Variants in SCN11A observed in about 807,000 individuals in gnomAD.
SCN11A encodes sodium voltage-gated channel alpha subunit 11.
Under a neutral mutation model 162.2 loss-of-function variants are expected in SCN11A, and 122 were observed. The observed-to-expected ratio is 0.75, with a 90% CI of 0.65 to 0.87. The LOEUF (loss-of-function observed/expected upper bound fraction) is 0.87. Ranked by LOEUF, SCN11A falls within the 40% of genes least tolerant of loss-of-function variation. The pLI is 0.00. For synonymous variants in SCN11A, 758 were observed against 751.5 expected (o/e 1.01, Z -0.14); for missense variants, 2,015 against 2,181.6 (o/e 0.92, Z 1.52).
At chr3:38,990,035 A>G (rs2030402463) in intron 2 of SCN11A, among the ~76,000 whole-genome samples, 1 of 152,190 alleles carries the variant, frequency 6.6e-6, no homozygotes, top group Non-Finnish European at 1.5e-5. Context: ...AATTCACTCT[A>G]ATTGACTTCC....
intron 2 of SCN11A, among the ~76,000 whole-genome samples, chr3:38,985,187 G>A (rs2030192524): frequency 6.8e-6 from 1 of 146,850 alleles, no homozygotes; most frequent in Non-Finnish European, 1.5e-5. Flanking sequence ...GAGTGCAGTG[G>A]CGCAGTCTCA....
At chr3:38,997,761 T>G (rs919020613) in intron 2 of SCN11A, among the ~76,000 whole-genome samples, 1 of 152,230 alleles carries the variant, frequency 6.6e-6, no homozygotes, top group African/African-American at 2.4e-5. Context: ...TCATCTCTAA[T>G]TTTCCATCTC....
At chr3:39,013,837 C>T (rs754652566) in intron 2 of SCN11A, among the ~76,000 whole-genome samples, 1 of 152,262 alleles carries the variant, frequency 6.6e-6, no homozygotes. Context: ...TGTATCTTCT[C>T]ATACCTGGTT....
Position 38,886,220 on chromosome 3 carries a change from C to A in SCN11A, c.2854G>T (p.Glu952Ter), listed in dbSNP as rs374632143. ...PEQQAYELHQ[E>*]NKKPTSQRVQ... ...CTCTGGCTCGTGGGCTTCTTGTTCT[C>A]CTGATGGAGCTCATAGGCCTAACAC... The change falls in exon 20 of 30, where the codon GAG (glutamate) becomes TAG (stop). Residue 952 changes from glutamate to a stop codon, truncating the protein, a stop_gained. Transcript: ENST00000302328. LOFTEE classifies it high-confidence loss of function. The A allele has an allele frequency of 1.2e-6, 2 of 1,612,166 alleles. No individual in the cohort carries two copies. Among genetic ancestry groups the A allele is most frequent in the South Asian group, 2.2e-5 (2 of 90,982 alleles).
chr3:39,037,897 A>C (rs1386688211), intron 1 of SCN11A, among the ~76,000 whole-genome samples: 2 of 152,220 alleles, frequency 1.3e-5, no homozygotes, highest in East Asian at 1.9e-4. Context: ...ACAATGTAAT[A>C]GGTGTCAAGG....
At position 38,863,234 on chromosome 3, in the gene SCN11A, TA is replaced by T. The variant is rs746004883; in HGVS notation, c.4016del (p.Leu1339Ter). The stretch of plus-strand genomic sequence containing the variant: ...TGGGTTTTTGAGGTTTTTTGGATCC[TA>T]ATTTTTTCATTGCATTATAGTATTT... ...QKKYYNAMKK[L>X]GSKKPQKPIP... On this transcript the variant is annotated frameshift_variant, in exon 28 of 30. Transcript: ENST00000302328. LOFTEE classifies it high-confidence loss of function. 1.2e-6 allele frequency: 2 copies of T among 1,606,998 alleles called. No homozygotes were observed. Among genetic ancestry groups the T allele is most frequent in the Non-Finnish European group, 1.7e-6 (2 of 1,173,756 alleles).
intron 28 of SCN11A, among the ~76,000 whole-genome samples, chr3:38,854,642 G>A (rs1190705423): frequency 3.9e-5 from 6 of 152,206 alleles, no homozygotes; most frequent in Non-Finnish European, 5.9e-5. Flanking sequence ...CAGACTGCAC[G>A]AGACAGGTGA....
At chr3:38,864,267 G>A (rs1386970681) in intron 27 of SCN11A, among the ~76,000 whole-genome samples, 1 of 152,136 alleles carries the variant, frequency 6.6e-6, no homozygotes, top group Non-Finnish European at 1.5e-5. Context: ...TGAGGGTTTG[G>A]GGTTTGACTT....
chr3:38,923,931 C>T (rs1301365909), intron 9 of SCN11A, among the ~76,000 whole-genome samples: 1 of 152,136 alleles, frequency 6.6e-6, no homozygotes. Flanking sequence ...TCAGCCAGGT[C>T]ACTGGAGAGT....
intron 29 of SCN11A, among the ~76,000 whole-genome samples, chr3:38,848,957 A>G (rs1344905226): frequency 6.6e-6 from 1 of 152,160 alleles, no homozygotes; most frequent in African/African-American, 2.4e-5. Context: ...AGGCATATAA[A>G]ACTCTGTCCA....
At chr3:38,878,173 A>AATAG (rs2065251325) in intron 23 of SCN11A, among the ~76,000 whole-genome samples, 1 of 151,050 alleles carries the variant, frequency 6.6e-6, no homozygotes, top group African/African-American at 2.4e-5. Flanking sequence ...AAATATAATA[A>AATAG]ATAAATAAAT....
intron 2 of SCN11A, among the ~76,000 whole-genome samples, chr3:38,974,709 A>AAAAAAAAAAAAAAG (rs1553647127): frequency 3.1e-5 from 4 of 130,376 alleles, no homozygotes; most frequent in African/African-American, 8.3e-5. Context: ...AAAAAAAAAA[A>AAAAAAAAAAAAAAG]AAAAGAAAAG....
intron 2 of SCN11A, among the ~76,000 whole-genome samples, chr3:38,998,516 T>C (rs1164621207): frequency 6.6e-6 from 1 of 152,204 alleles, no homozygotes; most frequent in African/African-American, 2.4e-5. Context: ...CTCAGGGATC[T>C]ACAACTAGAA....
At position 38,908,184 on chromosome 3, in the gene SCN11A, G is replaced by A; in HGVS notation, c.1300-62C>T. 12 of 1,443,822 alleles carry A rather than the reference G, an allele frequency of 8.3e-6. No individual in the cohort carries two copies. The South Asian group carries it at 1.5e-4, about 18-fold the overall frequency. The allele number at this position is 1,443,822 out of a possible 1,614,324, so 89.4% of individuals were successfully genotyped here. A position where few individuals can be genotyped will look rare whatever the true frequency, so the allele number is the denominator to read the frequency against. On this transcript the variant is annotated intron_variant, in intron 13 of 29. Coordinates refer to ENST00000302328, the MANE Select transcript of SCN11A (RefSeq NM_001349253.2). ...CACCTCCTCATGAAACATTGCAAAT[G>A]ACCCCGACCTGAGAGTGGTGAAAAT...
At chr3:38,912,467 CTATT>C (rs2065899181) in intron 11 of SCN11A, among the ~76,000 whole-genome samples, 1 of 152,008 alleles carries the variant, frequency 6.6e-6, no homozygotes, top group Non-Finnish European at 1.5e-5. Context: ...TTTTTTCTTT[CTATT>C]TATTTATTTT....
intron 10 of SCN11A, among the ~76,000 whole-genome samples, chr3:38,920,517 C>A (rs896689563): frequency 1.2e-4 from 19 of 152,152 alleles, no homozygotes; most frequent in African/African-American, 3.6e-4. Flanking sequence ...ATGGTGAAAC[C>A]TCGTCTCTAC....
intron 16 of SCN11A, among the ~76,000 whole-genome samples, chr3:38,903,392 C>T (rs908317876): frequency 1.3e-5 from 2 of 152,210 alleles, no homozygotes; most frequent in South Asian, 2.1e-4. Flanking sequence ...CCAGCCTGAC[C>T]AACCCCCAAA....
At position 38,894,846 on chromosome 3, in the gene SCN11A, C is replaced by T. The variant is rs779067124; in HGVS notation, c.2522G>A (p.Arg841Gln). ...AGTGTGTCTCACAAAACAAAAAGCC[C>T]GGCGGAATCGATCCAGTGCTAACTG... ...KVQLALDRFR[R>Q]AFCFVRHTLE... The change falls in exon 19 of 30, where the codon CGG (arginine) becomes CAG (glutamine). Residue 841 changes from arginine (R) to glutamine (Q), a missense_variant. Physicochemically the swap from Arg to Gln is conservative, Grantham distance 43 (BLOSUM62 1). Coordinates refer to ENST00000302328, the MANE Select transcript of SCN11A (RefSeq NM_001349253.2). 3.5e-5 allele frequency: 57 copies of T among 1,614,068 alleles called. No homozygotes were observed. Among genetic ancestry groups the T allele is most frequent in the Non-Finnish European group, 4.2e-5 (50 of 1,180,030 alleles).
chr3:39,026,050 T>G (rs2031579193), intron 2 of SCN11A: 1 of 152,168 alleles, frequency 6.6e-6, no homozygotes, highest in African/African-American at 2.4e-5. Flanking sequence ...ACATGACCCC[T>G]GCACAAGAAT....
Sources: allele counts gnomAD v4.1 joint callset (sites outside exome capture counted in the v4.1 genomes callset), GRCh38; gene constraint gnomAD v4.1.1; transcripts MANE v1.5; gene names NCBI Gene and HGNC (gene_info 2026-07-23, HGNC 2026-07-21).